Variants in IGF2BP3 observed in about 807,000 individuals in gnomAD.
The protein encoded by IGF2BP3 is insulin like growth factor 2 mRNA binding protein 3.
A neutral mutation model predicts 73.8 loss-of-function variants in IGF2BP3; 9 were observed. The ratio of observed to expected loss-of-function variants is 0.12; its 90% CI spans 0.07 to 0.21. The LOEUF (loss-of-function observed/expected upper bound fraction) is 0.21. IGF2BP3 is among the 10% of genes least tolerant of loss of function. The probability of loss-of-function intolerance (pLI) is 1.00; values close to 1 mark genes in which losing one functional copy is unlikely to be tolerated. For synonymous variants in IGF2BP3, 258 were observed against 256.7 expected (o/e 1.01, Z -0.05); for missense variants, 542 against 714.0 (o/e 0.76, Z 2.75).
rs186952671 is a variant in IGF2BP3 at position 23,373,300 on chromosome 7, C to G, written c.286-11559G>C. 2.0e-5 allele frequency among the ~76,000 whole-genome samples: 3 copies of G among 152,294 alleles called. No homozygotes were observed. The South Asian group carries it at 6.2e-4, about 32-fold the overall frequency. ...AGTTCAATGTTAGGTGGTTTTTGAA[C>G]CACCTGCTTTCAAAACAGGGACTTC... On this transcript the variant is annotated intron_variant, in intron 3 of 14. Transcript: ENST00000258729.
intron 3 of IGF2BP3, among the ~76,000 whole-genome samples, chr7:23,380,563 T>A (rs1785877854): frequency 6.6e-6 from 1 of 152,194 alleles, no homozygotes; most frequent in Non-Finnish European, 1.5e-5. Context: ...ACTGATTCCC[T>A]ACTAACTACC....
chr7:23,347,956 C>T (rs181357861), intron 6 of IGF2BP3: 971 of 506,020 alleles, frequency 1.9e-3, no homozygotes, highest in Non-Finnish European at 2.8e-3. Context: ...TCCAACCAAG[C>T]GGGGACATCT....
At chr7:23,349,782 A>T (rs1026170625) in intron 6 of IGF2BP3, among the ~76,000 whole-genome samples, 6 of 152,188 alleles carry the variant, frequency 3.9e-5, no homozygotes, top group African/African-American at 1.4e-4. Flanking sequence ...AAACAGTTCA[A>T]TTTAAGTCAC....
chr7:23,317,691 T>C lies in IGF2BP3; in HGVS notation c.1343A>G (p.Asp448Gly). 1.2e-6 allele frequency: 2 copies of C among 1,614,118 alleles called. No homozygotes were observed. The highest frequency in any genetic ancestry group is 2.2e-5 in the East Asian group (1 of 44,884). The change falls in exon 12 of 15, where the codon GAT (aspartate) becomes GGT (glycine). Residue 448 changes from aspartate (D) to glycine (G), a missense_variant. By Grantham distance (94) the Asp-to-Gly change is moderately conservative (BLOSUM62 -1). Transcript: ENST00000258729. Reference sequence around the variant, plus strand: ...GATAATCACCATCCTCACTTTAGCATCTGGTGCTTCCGCTGGAGCAATCTG... The same window carrying C: ...GATAATCACCATCCTCACTTTAGCACCTGGTGCTTCCGCTGGAGCAATCTG... ...SIKIAPAEAPDAKVRMVIITG... is the reference protein window; with the variant it reads ...SIKIAPAEAPGAKVRMVIITG...
intron 2 of IGF2BP3, among the ~76,000 whole-genome samples, chr7:23,434,759 G>A (rs185499990): frequency 6.6e-6 from 1 of 152,208 alleles, no homozygotes; most frequent in Admixed American, 6.5e-5. Context: ...AATTGTTCCT[G>A]ATTACTAAGC....
Position 23,347,719 on chromosome 7 carries a change from A to C in IGF2BP3, c.699T>G (p.Arg233=). The change falls in exon 7 of 15, where the codon CGT becomes CGG. Residue 233 remains arginine (R), a synonymous_variant. Coordinates refer to ENST00000258729, the MANE Select transcript of IGF2BP3 (RefSeq NM_006547.3). ...TCTCAGCAGCCCCCGCATTTTCTTT[A>C]CGGTGGACATCGATTCTGATAGTGG... ...KQTQSKIDVH[R]KENAGAAEKS... is the part of the protein sequence containing the mutation. 6.2e-7 allele frequency: 1 copy of C among 1,614,014 alleles called. No homozygotes were observed. The highest frequency in any genetic ancestry group is 8.5e-7 in the Non-Finnish European group (1 of 1,179,996).
intron 10 of IGF2BP3, among the ~76,000 whole-genome samples, chr7:23,325,326 C>T (rs1583885916): frequency 6.6e-6 from 1 of 152,096 alleles, no homozygotes; most frequent in African/African-American, 2.4e-5. Context: ...TTCACAATTG[C>T]TTCAAAGAGA....
chr7:23,441,607 C>T (rs1413226437), intron 2 of IGF2BP3, among the ~76,000 whole-genome samples: 1 of 92,374 alleles, frequency 1.1e-5, no homozygotes, highest in Non-Finnish European at 2.3e-5. Flanking sequence ...AAAAAAAAGA[C>T]ACATATGTTA....
intron 8 of IGF2BP3, 129 bp downstream of exon 8, chr7:23,345,811 G>C (rs1353268945): frequency 3.7e-6 from 4 of 1,084,244 alleles, no homozygotes; most frequent in Non-Finnish European, 5.3e-6. Flanking sequence ...CTGTATTTGA[G>C]AAACCATGTG....
At chr7:23,454,012 G>A (rs1387937592) in intron 2 of IGF2BP3, among the ~76,000 whole-genome samples, 1 of 152,096 alleles carries the variant, frequency 6.6e-6, no homozygotes, top group Non-Finnish European at 1.5e-5. Context: ...ATTTTTTGCA[G>A]GGACGGGGTT....
chr7:23,374,468 G>C (rs1244166384), intron 3 of IGF2BP3, among the ~76,000 whole-genome samples: 2 of 152,140 alleles, frequency 1.3e-5, no homozygotes, highest in African/African-American at 2.4e-5. Context: ...TTGAGGCCAA[G>C]AGTTTGAGAC....
At chr7:23,441,012 C>T (rs551046567) in intron 2 of IGF2BP3, among the ~76,000 whole-genome samples, 52 of 152,088 alleles carry the variant, frequency 3.4e-4, no homozygotes, top group Non-Finnish European at 7.2e-4. Context: ...GCTTTACACA[C>T]ATAAATAACT....
intron 2 of IGF2BP3, among the ~76,000 whole-genome samples, chr7:23,443,837 G>A (rs1344263157): frequency 1.3e-5 from 2 of 151,406 alleles, no homozygotes; most frequent in African/African-American, 2.4e-5. Flanking sequence ...GTGAAACCCC[G>A]TCTCTACTAA....
Position 23,312,115 on chromosome 7 carries a change from C to T in IGF2BP3, c.*247G>A. On this transcript the variant is annotated 3_prime_UTR_variant, in exon 15 of 15. Transcript: ENST00000258729. ...AAGTGCAGAGCTCTTCTCTTTCCCTCCCTCCCCCACCCTTTTTTTGTTTGT... is the reference window on the plus strand; with the variant it reads ...AAGTGCAGAGCTCTTCTCTTTCCCTTCCTCCCCCACCCTTTTTTTGTTTGT... 2.5e-6 allele frequency: 1 copy of T among 401,114 alleles called. No homozygotes were observed. Among genetic ancestry groups the T allele is most frequent in the Middle Eastern group, 6.7e-4 (1 of 1,490 alleles). The allele number at this position is 401,114 out of a possible 1,614,324, so 24.8% of individuals were successfully genotyped here.
chr7:23,349,194 G>A (rs1784901731), intron 6 of IGF2BP3, among the ~76,000 whole-genome samples: 1 of 152,148 alleles, frequency 6.6e-6, no homozygotes, highest in African/African-American at 2.4e-5. Flanking sequence ...GGAAAATTAA[G>A]TATTTGTTGA....
intron 2 of IGF2BP3, among the ~76,000 whole-genome samples, chr7:23,445,734 G>C (rs1262088244): frequency 6.6e-6 from 1 of 152,052 alleles, no homozygotes; most frequent in Non-Finnish European, 1.5e-5. Flanking sequence ...GCTAAAGTTA[G>C]ACTGGTATGG....
rs1194336292 is a variant in IGF2BP3, at chr7:23,426,340, A to AG, written c.237-7517dup. On this transcript the variant is annotated intron_variant, in intron 2 of 14. Coordinates refer to ENST00000258729, the MANE Select transcript of IGF2BP3 (RefSeq NM_006547.3). The stretch of plus-strand genomic sequence containing the variant: ...TGTCTCAAAAAAAAAAAAAAAAAAA[A>AG]GGGGGGTGGGGCCAAAATTGCCAGA... Among the ~76,000 whole-genome samples, 276 of 114,600 alleles carry AG rather than the reference A, an allele frequency of 2.4e-3. 1 individual carries two copies. The highest frequency in any genetic ancestry group is 6.3e-3 in the African/African-American group (178 of 28,032). The allele number at this position is 114,600 out of a possible 152,430, so 75.2% of individuals were successfully genotyped here.
At chr7:23,430,424 T>A (rs749193035) in intron 2 of IGF2BP3, among the ~76,000 whole-genome samples, 1 of 152,184 alleles carries the variant, frequency 6.6e-6, no homozygotes, top group Non-Finnish European at 1.5e-5. Context: ...TGGACTGGTA[T>A]TTTCAAGTAA....
intron 3 of IGF2BP3, among the ~76,000 whole-genome samples, chr7:23,394,346 AG>A (rs1324667488): frequency 6.6e-6 from 1 of 152,142 alleles, no homozygotes; most frequent in East Asian, 1.9e-4. Context: ...ACGTACCTGT[AG>A]TCCCAGCTAC....
Sources: gnomAD v4.1 joint callset for allele counts (sites outside exome capture counted in the v4.1 genomes callset) on GRCh38, gnomAD v4.1.1 for gene constraint, MANE v1.5 for transcripts, NCBI Gene and HGNC (gene_info 2026-07-23, HGNC 2026-07-21) for gene names.